Variants in NBEA observed in about 807,000 individuals in gnomAD.
The protein encoded by NBEA is neurobeachin.
A neutral mutation model predicts 343.4 loss-of-function variants in NBEA; 44 were observed. That is an observed-to-expected ratio of 0.13 (90% CI 0.10 to 0.16). NBEA has a LOEUF of 0.16. NBEA is among the 10% of genes least tolerant of loss of function. The pLI, the probability that NBEA is intolerant of heterozygous loss-of-function variation, is 1.00. For missense variants in NBEA, 2,555 were observed against 3,631.3 expected (o/e 0.70, Z 7.62); for synonymous variants, 1,175 against 1,238.7 (o/e 0.95, Z 1.08).
chr13:35,512,202 C>A (rs1406457737), intron 41 of NBEA, among the ~76,000 whole-genome samples: 3 of 152,190 alleles, frequency 2.0e-5, no homozygotes, highest in Admixed American at 2.0e-4. Flanking sequence ...ATCGTGAACC[C>A]ATAGCTTCCC....
chr13:35,440,409 A>T (rs7332489), intron 39 of NBEA, among the ~76,000 whole-genome samples: 2,842 of 152,328 alleles, frequency 0.019, 120 homozygotes, highest in African/African-American at 0.064. Flanking sequence ...AGTGATTATA[A>T]TATACAATTG....
intron 1 of NBEA, among the ~76,000 whole-genome samples, chr13:34,955,612 C>A (rs1003328130): frequency 3.3e-5 from 5 of 152,008 alleles, no homozygotes; most frequent in Non-Finnish European, 5.9e-5. Context: ...ACAAGAGCCA[C>A]GAAAGAGTGT....
chr13:35,511,249 T>C (rs2077263397), intron 41 of NBEA, among the ~76,000 whole-genome samples: 1 of 152,202 alleles, frequency 6.6e-6, no homozygotes, highest in Non-Finnish European at 1.5e-5. Flanking sequence ...CAGGAAGCAT[T>C]GTTCAAGTTG....
At chr13:35,202,995 A>T (rs776925215) in intron 31 of NBEA, among the ~76,000 whole-genome samples, 1 of 151,990 alleles carries the variant, frequency 6.6e-6, no homozygotes, top group Non-Finnish European at 1.5e-5. Flanking sequence ...ATCACTTCTC[A>T]CCAGGTTTTA....
intron 38 of NBEA, among the ~76,000 whole-genome samples, chr13:35,414,512 A>C (rs565407615): frequency 6.6e-6 from 1 of 152,126 alleles, no homozygotes; most frequent in East Asian, 1.9e-4. Flanking sequence ...TAGTTTGCTC[A>C]GAATGATGGT....
At chr13:35,544,158 T>C (rs1192318088) in intron 41 of NBEA, among the ~76,000 whole-genome samples, 1 of 152,214 alleles carries the variant, frequency 6.6e-6, no homozygotes, top group Non-Finnish European at 1.5e-5. Flanking sequence ...AATTAAACTG[T>C]TGAGGCTGCA....
chr13:35,632,502 T>A (rs2083494796), intron 49 of NBEA, among the ~76,000 whole-genome samples: 1 of 152,170 alleles, frequency 6.6e-6, no homozygotes, highest in Admixed American at 6.5e-5. Context: ...GCTTTTTTTT[T>A]TTCCCCTACA....
intron 48 of NBEA, among the ~76,000 whole-genome samples, chr13:35,626,645 C>G (rs2083243127): frequency 6.6e-6 from 1 of 152,104 alleles, no homozygotes. Context: ...GCATCAGACA[C>G]TGAAAATATT....
In NBEA at chr13:35,475,413, C is replaced by A. The variant is rs748166699; in HGVS notation, c.6585+2877C>A. On this transcript the variant is annotated intron_variant, in intron 41 of 58. Transcript: ENST00000379939. ...GGCACTTCTTTCTGCAGCCCCCCAT[C>A]TGCAGTCTGTTCTCTGCCTCCGCGA... 5 of 1,613,792 alleles carry A rather than the reference C, an allele frequency of 3.1e-6. No homozygotes were observed. The highest frequency in any genetic ancestry group is 4.2e-6 in the Non-Finnish European group (5 of 1,179,990).
chr13:35,236,557 C>G (rs991969286), intron 34 of NBEA, among the ~76,000 whole-genome samples: 6 of 152,076 alleles, frequency 3.9e-5, no homozygotes, highest in African/African-American at 1.4e-4. Flanking sequence ...CGCCATTCTC[C>G]TGCCTCAGCC....
chr13:35,045,927 A>G (rs1276979440), intron 4 of NBEA, among the ~76,000 whole-genome samples: 4 of 152,016 alleles, frequency 2.6e-5, no homozygotes, highest in East Asian at 3.9e-4. Context: ...AGGTTTCACC[A>G]TGTTGGCCAG....
intron 1 of NBEA, among the ~76,000 whole-genome samples, chr13:34,967,614 AAT>A (rs2059864975): frequency 6.6e-6 from 1 of 152,066 alleles, no homozygotes; most frequent in Admixed American, 6.6e-5. Context: ...ATGGACCAAA[AAT>A]GTGTGAAACA....
intron 36 of NBEA, among the ~76,000 whole-genome samples, chr13:35,339,174 T>C (rs1893905820): frequency 6.6e-6 from 1 of 151,310 alleles, no homozygotes; most frequent in African/African-American, 2.4e-5. Context: ...GAAAACAAAA[T>C]AAAAACTGTC....
intron 39 of NBEA, among the ~76,000 whole-genome samples, chr13:35,446,606 A>G (rs1047878580): frequency 5.3e-5 from 8 of 152,188 alleles, no homozygotes; most frequent in African/African-American, 1.9e-4. Flanking sequence ...ATTTGAGACA[A>G]TGTGGCATGT....
intron 18 of NBEA, among the ~76,000 whole-genome samples, chr13:35,149,153 T>G (rs2152702485): frequency 6.6e-6 from 1 of 152,256 alleles, no homozygotes; most frequent in South Asian, 2.1e-4. Context: ...AACAATGCCT[T>G]TTTGAATTAT....
At chr13:35,196,671 C>G (rs73167780) in intron 31 of NBEA, among the ~76,000 whole-genome samples, 9,529 of 151,892 alleles carry the variant, frequency 0.063, 311 homozygotes, top group African/African-American at 0.073. Flanking sequence ...TATCCTGGCT[C>G]TGAAATTCCA....
chr13:35,080,355 C>T (rs540340167), intron 10 of NBEA, among the ~76,000 whole-genome samples: 1 of 152,230 alleles, frequency 6.6e-6, no homozygotes, highest in Non-Finnish European at 1.5e-5. Flanking sequence ...ATCATTTTGA[C>T]ATTACTTTAC....
intron 33 of NBEA, among the ~76,000 whole-genome samples, chr13:35,224,986 C>T (rs540791811): frequency 4.6e-5 from 7 of 152,210 alleles, no homozygotes; most frequent in South Asian, 2.1e-4. Flanking sequence ...CTGTGTACCA[C>T]GGACTTTAAA....
chr13:35,173,659 A>T, intron 27 of NBEA, 65 bp downstream of exon 27: 2 of 1,498,566 alleles, frequency 1.3e-6, no homozygotes, highest in Non-Finnish European at 1.8e-6. Flanking sequence ...TAAGTTGATG[A>T]GAACAAAGTG....
Sources: allele counts gnomAD v4.1 joint callset (sites outside exome capture counted in the v4.1 genomes callset), GRCh38; gene constraint gnomAD v4.1.1; transcripts MANE v1.5; gene names NCBI Gene and HGNC (gene_info 2026-07-23, HGNC 2026-07-21).